Variants in RPL6 observed in about 807,000 individuals in gnomAD.
RPL6 encodes the protein ribosomal protein L6, also known as large ribosomal subunit protein eL6.
A neutral mutation model predicts 32.1 loss-of-function variants in RPL6; 1 was observed. The ratio of observed to expected loss-of-function variants is 0.03; its 90% CI spans 0.01 to 0.15. RPL6 has a LOEUF of 0.15. RPL6 is among the 10% of genes least tolerant of loss of function. The pLI is 1.00. For missense variants in RPL6, 275 were observed against 354.6 expected (o/e 0.78, Z 1.80); for synonymous variants, 126 against 131.6 (o/e 0.96, Z 0.29).
Position 112,406,204 on chromosome 12 carries a change from A to C in RPL6, c.529+90T>G, listed in dbSNP as rs1314804379. The C allele has an allele frequency of 1.6e-5, 20 of 1,275,558 alleles. No individual in the cohort carries two copies. The African/African-American group carries it at 2.7e-4, about 17-fold the overall frequency. The allele number at this position is 1,275,558 out of a possible 1,614,324, so 79.0% of individuals were successfully genotyped here. A position where few individuals can be genotyped will look rare whatever the true frequency, so the allele number is the denominator to read the frequency against. Reference sequence around the variant, plus strand: ...CAGACACTTGTGGCAATAAGTGTCTACCATGTAGGCAGTAGCAAACAAACG... The same window carrying C: ...CAGACACTTGTGGCAATAAGTGTCTCCCATGTAGGCAGTAGCAAACAAACG... On this transcript the variant is annotated intron_variant, in intron 5 of 6. Coordinates refer to ENST00000202773, the MANE Select transcript of RPL6 (RefSeq NM_000970.6).
chr12:112,407,665 A>G (rs1160294775), intron 3 of RPL6: 1 of 153,702 alleles, frequency 6.5e-6, no homozygotes, highest in Non-Finnish European at 1.4e-5. Context: ...ACACTGCTCT[A>G]GTGGGAAATG....
chr12:112,406,089 T>C, intron 5 of RPL6, 52 bp from the exon 6 acceptor site: 1 of 1,493,688 alleles, frequency 6.7e-7, no homozygotes, highest in Non-Finnish European at 9.2e-7. Flanking sequence ...ATCATCATCC[T>C]GCAATTTAGG....
chr12:112,407,979 C>A, intron 3 of RPL6: 1 of 429,362 alleles, frequency 2.3e-6, no homozygotes, highest in South Asian at 2.6e-5. Flanking sequence ...CTCAGCCTCC[C>A]AAAGTGCTGG....
At chr12:112,405,575 T>G in intron 6 of RPL6, 199 bp from the exon 7 acceptor site, 1 of 656,368 alleles carries the variant, frequency 1.5e-6, no homozygotes, top group Non-Finnish European at 2.6e-6. Flanking sequence ...CTTAAGCTTT[T>G]GTATACTTTA....
intron 1 of RPL6, chr12:112,409,338 G>A: frequency 5.1e-6 from 2 of 395,202 alleles, no homozygotes; most frequent in Non-Finnish European, 8.9e-6. Context: ...ACGGGTCCCC[G>A]AAAGGGCCTC....
At position 112,418,493 on chromosome 12, in the gene RPL6, C is replaced by T. The variant is rs1355314348; in HGVS notation, c.-229+235G>A. The T allele has an allele frequency of 3.0e-5, 6 of 200,660 alleles. No individual in the cohort carries two copies. In the East Asian group the frequency reaches 3.0e-4, roughly 10 times the overall value. The allele number at this position is 200,660 out of a possible 1,614,324, so 12.4% of individuals were successfully genotyped here. On this transcript the variant is annotated intron_variant, in intron 1 of 5. Transcript: ENST00000551291. ...TCCTTGGCTTAAGCGAACCTCTTGCCGCAGCCTCCCAAAGTGTTGGGATTA... is the reference window on the plus strand; with the variant it reads ...TCCTTGGCTTAAGCGAACCTCTTGCTGCAGCCTCCCAAAGTGTTGGGATTA...
Position 112,406,310 on chromosome 12 carries a change from G to A in RPL6, c.513C>T (p.Gly171=), listed in dbSNP as rs2037168297. 1.9e-6 allele frequency: 3 copies of A among 1,613,218 alleles called. No individual in the cohort carries two copies. Among genetic ancestry groups the A allele is most frequent in the Non-Finnish European group, 2.5e-6 (3 of 1,179,262 alleles). The part of the protein sequence containing the change: ...RVVFLKQLAS[G]LLLVTGPLVL... ...TTTTCTTACCAGTCACAAGTAATAA[G>A]CCACTAGCCAGCTGCTTCAGGAAAA... The change falls in exon 5 of 7, where the codon GGC becomes GGT. Residue 171 remains glycine (G), a synonymous_variant. Coordinates refer to ENST00000202773, the MANE Select transcript of RPL6 (RefSeq NM_000970.6).
Position 112,408,350 on chromosome 12 carries a change from C to G in RPL6, c.238-12G>C. The G allele has an allele frequency of 6.2e-7, 1 of 1,613,912 alleles. No individual in the cohort carries two copies. Among genetic ancestry groups the G allele is most frequent in the South Asian group, 1.1e-5 (1 of 91,082 alleles). On this transcript the variant is annotated splice_polypyrimidine_tract_variant and intron_variant, in intron 2 of 6. Transcript: ENST00000202773. ...TTTTTCTTTTCAACCTACAAGGACACAAATGCATCAACAGTAAGAGAATGC... is the reference window on the plus strand; with the variant it reads ...TTTTTCTTTTCAACCTACAAGGACAGAAATGCATCAACAGTAAGAGAATGC...
At chr12:112,411,891 T>TTTTTC (rs1287340571), upstream of RPL6, among the ~76,000 whole-genome samples, 4 of 152,072 alleles carry the variant, frequency 2.6e-5, no homozygotes, top group Non-Finnish European at 5.9e-5. Flanking sequence ...CTTTTTTTTT[T>TTTTTC]TTTTCTGAGA....
chr12:112,409,139 CAGAGAA>C (rs895899755), intron 1 of RPL6: 1 of 271,582 alleles, frequency 3.7e-6, no homozygotes, highest in African/African-American at 2.2e-5. Context: ...CAAATTGAGC[CAGAGAA>C]AAAGATCGCA....
Position 112,408,434 on chromosome 12 carries a change from C to A in RPL6, c.223G>T (p.Ala75Ser). The A allele has an allele frequency of 6.2e-7, 1 of 1,614,194 alleles. No homozygotes were observed. The highest frequency in any genetic ancestry group is 8.5e-7 in the Non-Finnish European group (1 of 1,180,028). ...TCTTCCCTTACCTTGGATTTAGCGGCTGAGTACTTCCTCTTGTACATGGCC... is the reference window on the plus strand; with the variant it reads ...TCTTCCCTTACCTTGGATTTAGCGGATGAGTACTTCCTCTTGTACATGGCC... ...RKAMYKRKYSAAKSKVEKKKK... is the reference protein window; with the variant it reads ...RKAMYKRKYSSAKSKVEKKKK... The change falls in exon 2 of 7, where the codon GCC becomes TCC. Residue 75 changes from alanine to serine, a missense_variant. Coordinates refer to ENST00000202773, the MANE Select transcript of RPL6 (RefSeq NM_000970.6).
intron 1 of RPL6, 21 bp from the exon 2 acceptor site, chr12:112,408,677 A>AT (rs772328325): frequency 6.4e-6 from 10 of 1,551,618 alleles, no homozygotes; most frequent in Admixed American, 4.1e-5. Flanking sequence ...TTTTTTGTAG[A>AT]TAAAAAAAGG....
intron 1 of RPL6, 129 bp from the exon 2 acceptor site, chr12:112,408,785 C>T (rs557988868): frequency 4.0e-5 from 31 of 772,222 alleles, no homozygotes; most frequent in Admixed American, 2.3e-4. Context: ...AAGATACAGG[C>T]CTTCCTCTCA....
intron 4 of RPL6, 122 bp downstream of exon 4, chr12:112,406,625 G>A (rs2037176151): frequency 7.6e-7 from 1 of 1,318,316 alleles, no homozygotes; most frequent in African/African-American, 1.5e-5. Flanking sequence ...GTATCTTGCA[G>A]ATCATTTCCC....
chr12:112,416,374 C>T (rs925668676), intron 1 of RPL6, among the ~76,000 whole-genome samples: 8 of 151,886 alleles, frequency 5.3e-5, no homozygotes, highest in African/African-American at 1.7e-4. Flanking sequence ...CTCCTGACCT[C>T]GTGATCCGCC....
chr12:112,410,554 C>CTTTTTTTTTTTTTTT (rs561190073), upstream of RPL6: 6 of 36,262 alleles, frequency 1.7e-4, 2 homozygotes, highest in Non-Finnish European at 2.6e-4. Context: ...AGTGTTAGCT[C>CTTTTTTTTTTTTTTT]TTTTTTTTTT....
At chr12:112,414,632 C>T (rs558988518), upstream of RPL6, among the ~76,000 whole-genome samples, 4 of 152,134 alleles carry the variant, frequency 2.6e-5, no homozygotes, top group East Asian at 1.9e-4. Context: ...AGCCAGGCGC[C>T]GTGGCTCACG....
At chr12:112,408,216 C>T (rs1431128936) in intron 3 of RPL6, 24 bp downstream of exon 3, 1 of 1,571,734 alleles carries the variant, frequency 6.4e-7, no homozygotes. Context: ...ACAGAAAATC[C>T]AATTTACAGT....
upstream of RPL6, among the ~76,000 whole-genome samples, chr12:112,413,399 A>G (rs1476757095): frequency 6.6e-6 from 1 of 151,990 alleles, no homozygotes; most frequent in Non-Finnish European, 1.5e-5. Context: ...TTAGCCGGGC[A>G]TGGTGGCGGG....
Sources: gnomAD v4.1 joint callset for allele counts (sites outside exome capture counted in the v4.1 genomes callset) on GRCh38, gnomAD v4.1.1 for gene constraint, MANE v1.5 for transcripts, NCBI Gene and HGNC (gene_info 2026-07-23, HGNC 2026-07-21) for gene names.